ARHGAP15: variants seen among roughly 807,000 people sequenced by gnomAD.
The protein encoded by ARHGAP15 is Rho GTPase activating protein 15, also known as rho GTPase-activating protein 15.
Under a neutral mutation model 63.7 loss-of-function variants are expected in ARHGAP15, and 51 were observed. The observed-to-expected ratio is 0.80, with a 90% CI of 0.64 to 1.01. The LOEUF (loss-of-function observed/expected upper bound fraction) is 1.01, where lower values mean the gene tolerates loss of function less well. Ranked by LOEUF, ARHGAP15 falls within the 50% of genes least tolerant of loss-of-function variation. The pLI, the probability that ARHGAP15 is intolerant of heterozygous loss-of-function variation, is 0.00. For synonymous variants in ARHGAP15, 191 were observed against 193.8 expected (o/e 0.99, Z 0.12); for missense variants, 560 against 564.6 (o/e 0.99, Z 0.08).
At chr2:143,142,888 A>C (rs920761228) in intron 1 of ARHGAP15, among the ~76,000 whole-genome samples, 7 of 152,138 alleles carry the variant, frequency 4.6e-5, no homozygotes, top group African/African-American at 1.7e-4. Context: ...AGTAAATAAA[A>C]CAAGACAGAG....
intron 6 of ARHGAP15, among the ~76,000 whole-genome samples, chr2:143,398,569 C>A (rs1238389071): frequency 6.6e-6 from 1 of 151,936 alleles, no homozygotes; most frequent in Non-Finnish European, 1.5e-5. Context: ...TAAGAGTTGC[C>A]GAATGATCCT....
chr2:143,152,817 AC>A (rs1342327550), intron 1 of ARHGAP15, among the ~76,000 whole-genome samples: 1 of 152,002 alleles, frequency 6.6e-6, no homozygotes, highest in Non-Finnish European at 1.5e-5. Context: ...GGGGGTGTCA[AC>A]AAAATGTAAC....
intron 5 of ARHGAP15, among the ~76,000 whole-genome samples, chr2:143,244,051 G>A (rs1237666026): frequency 6.6e-6 from 1 of 152,098 alleles, no homozygotes; most frequent in East Asian, 1.9e-4. Flanking sequence ...TATTCCATAT[G>A]TACTTCTCAC....
intron 6 of ARHGAP15, among the ~76,000 whole-genome samples, chr2:143,278,297 A>G (rs1453876909): frequency 6.6e-6 from 1 of 152,152 alleles, no homozygotes; most frequent in Non-Finnish European, 1.5e-5. Flanking sequence ...CTTGAAGATC[A>G]AAAAATGCTT....
At chr2:143,430,620 T>C (rs1385048508) in intron 6 of ARHGAP15, among the ~76,000 whole-genome samples, 1 of 152,068 alleles carries the variant, frequency 6.6e-6, no homozygotes, top group Non-Finnish European at 1.5e-5. Context: ...TATTTTCTGC[T>C]GGGAGTACTG....
At chr2:143,342,160 T>C (rs745592054) in intron 6 of ARHGAP15, among the ~76,000 whole-genome samples, 28 of 152,230 alleles carry the variant, frequency 1.8e-4, no homozygotes, top group Non-Finnish European at 3.1e-4. Flanking sequence ...TAGAAAATTA[T>C]GATGATTTGG....
In ARHGAP15 at chr2:143,606,508, C is replaced by G. The variant is rs370363929; in HGVS notation, c.1004-17625C>G. Among the ~76,000 whole-genome samples the G allele has an allele frequency of 8.5e-5, 13 of 152,260 alleles. No homozygotes were observed. In the East Asian group the frequency reaches 1.7e-3, roughly 20 times the overall value. ...CTAGCTAATCGCCTTTTTAACACCC[C>G]AGTCTGATCTCTGCGTGCACTCAGC... is the stretch of plus-strand genomic sequence containing the variant. On this transcript the variant is annotated intron_variant, in intron 11 of 13. Coordinates refer to ENST00000295095, the MANE Select transcript of ARHGAP15 (RefSeq NM_018460.4).
chr2:143,465,712 T>G (rs75620042), intron 8 of ARHGAP15, among the ~76,000 whole-genome samples: 2 of 136,098 alleles, frequency 1.5e-5, no homozygotes, highest in Admixed American at 7.4e-5. Flanking sequence ...GAAAAATAAG[T>G]TTTTTTTTTC....
chr2:143,511,548 A>G (rs1693589050), intron 9 of ARHGAP15, among the ~76,000 whole-genome samples: 1 of 150,694 alleles, frequency 6.6e-6, no homozygotes, highest in Non-Finnish European at 1.5e-5. Flanking sequence ...TCAGGAGCTC[A>G]GGGTTTTGGA....
chr2:143,201,836 G>A (rs1692131023), intron 2 of ARHGAP15, among the ~76,000 whole-genome samples: 1 of 152,012 alleles, frequency 6.6e-6, no homozygotes, highest in African/African-American at 2.4e-5. Context: ...CTTTTTTATT[G>A]AAGCAGGCAT....
At chr2:143,164,650 G>A (rs932333873) in intron 2 of ARHGAP15, among the ~76,000 whole-genome samples, 3 of 151,746 alleles carry the variant, frequency 2.0e-5, no homozygotes, top group Non-Finnish European at 4.4e-5. Context: ...AAAACCCAGG[G>A]GAAATTCAGT....
chr2:143,409,954 G>T (rs1442326930), intron 6 of ARHGAP15, among the ~76,000 whole-genome samples: 1 of 151,952 alleles, frequency 6.6e-6, no homozygotes, highest in African/African-American at 2.4e-5. Flanking sequence ...AATGCTGTAG[G>T]AGCACCCTTT....
At chr2:143,453,738 T>A (rs948905213) in intron 8 of ARHGAP15, among the ~76,000 whole-genome samples, 1 of 151,716 alleles carries the variant, frequency 6.6e-6, no homozygotes, top group African/African-American at 2.4e-5. Flanking sequence ...TGATTCACTA[T>A]TAACATAATA....
intron 6 of ARHGAP15, among the ~76,000 whole-genome samples, chr2:143,392,035 CAAAA>C (rs893082395): frequency 2.0e-5 from 3 of 151,632 alleles, no homozygotes; most frequent in Middle Eastern, 3.2e-3. Context: ...ACAAAAAAAA[CAAAA>C]AAAGGTGACA....
intron 8 of ARHGAP15, among the ~76,000 whole-genome samples, chr2:143,438,685 T>C (rs903026687): frequency 1.3e-5 from 2 of 152,348 alleles, no homozygotes; most frequent in East Asian, 3.9e-4. Context: ...TTTAGAGGTA[T>C]TTCATTTAAA....
At chr2:143,621,918 A>G (rs903239339) in intron 11 of ARHGAP15, among the ~76,000 whole-genome samples, 5 of 152,030 alleles carry the variant, frequency 3.3e-5, no homozygotes, top group African/African-American at 9.7e-5. Context: ...CCTGCTGAAC[A>G]CTTTCCTTTA....
intron 6 of ARHGAP15, among the ~76,000 whole-genome samples, chr2:143,337,736 A>G (rs1684870710): frequency 6.6e-6 from 1 of 152,182 alleles, no homozygotes; most frequent in Non-Finnish European, 1.5e-5. Context: ...AAAATATCAA[A>G]CATAAAAAAA....
intron 6 of ARHGAP15, among the ~76,000 whole-genome samples, chr2:143,339,414 G>A (rs999928171): frequency 2.0e-5 from 3 of 152,112 alleles, no homozygotes; most frequent in African/African-American, 7.2e-5. Flanking sequence ...ACAGGATACA[G>A]CAATGAATTA....
At chr2:143,596,983 A>G (rs1027856834) in intron 11 of ARHGAP15, among the ~76,000 whole-genome samples, 8 of 152,138 alleles carry the variant, frequency 5.3e-5, no homozygotes. Context: ...AGAACCATTT[A>G]TTATCCTCAA....
Sources: gnomAD v4.1 joint callset for allele counts (sites outside exome capture counted in the v4.1 genomes callset) on GRCh38, gnomAD v4.1.1 for gene constraint, MANE v1.5 for transcripts, NCBI Gene and HGNC (gene_info 2026-07-23, HGNC 2026-07-21) for gene names.